The following PPP6R2 variants were observed in gnomAD, a reference collection of about 807,000 sequenced individuals.
PPP6R2 encodes the protein protein phosphatase 6 regulatory subunit 2.
Under a neutral mutation model 100.2 loss-of-function variants are expected in PPP6R2, and 62 were observed. The observed-to-expected ratio is 0.62, with a 90% CI of 0.50 to 0.76. PPP6R2 has a LOEUF of 0.76. Among genes scored for constraint, PPP6R2 ranks in the 30% least tolerant of loss-of-function variants. The pLI, the probability that PPP6R2 is intolerant of heterozygous loss-of-function variation, is 0.00. For missense variants in PPP6R2, 1,142 were observed against 1,276.3 expected (o/e 0.89, Z 1.60); for synonymous variants, 525 against 514.7 (o/e 1.02, Z -0.27).
At chr22:50,378,945 T>G (rs140625444) in intron 2 of PPP6R2, among the ~76,000 whole-genome samples, 1 of 151,332 alleles carries the variant, frequency 6.6e-6, no homozygotes, top group Non-Finnish European at 1.5e-5. Context: ...TCCACTCTCA[T>G]GAATGGGATT....
At chr22:50,437,724 G>A in intron 16 of PPP6R2, 119 bp from the exon 17 acceptor site, 2 of 1,391,404 alleles carry the variant, frequency 1.4e-6, no homozygotes, top group Non-Finnish European at 2.0e-6. Flanking sequence ...GAGACAGCAG[G>A]TGTTCCCAGT....
At chr22:50,438,350 C>G (rs2064849054) in intron 18 of PPP6R2, 52 bp downstream of exon 18, 1 of 1,579,632 alleles carries the variant, frequency 6.3e-7, no homozygotes, top group African/African-American at 1.4e-5. Context: ...GTTCAGCCCC[C>G]AGAACACCTG....
At chr22:50,437,129 G>A (rs1303747335) in intron 15 of PPP6R2, 61 bp downstream of exon 15, 9 of 1,451,370 alleles carry the variant, frequency 6.2e-6, no homozygotes, top group South Asian at 3.7e-5. Flanking sequence ...TGTGCGCTGC[G>A]CTTGGTCCTC....
chr22:50,428,502 A>G (rs1390892129), intron 10 of PPP6R2, among the ~76,000 whole-genome samples: 2 of 152,086 alleles, frequency 1.3e-5, no homozygotes, highest in Admixed American at 6.6e-5. Context: ...CTTGAACCCA[A>G]GAGTTTAAGA....
intron 10 of PPP6R2, among the ~76,000 whole-genome samples, chr22:50,425,400 G>A (rs1415546772): frequency 6.6e-6 from 1 of 152,202 alleles, no homozygotes; most frequent in Non-Finnish European, 1.5e-5. Context: ...CCATCCATCA[G>A]TGGAGACTTG....
chr22:50,348,306 G>C (rs924015141), intron 1 of PPP6R2, among the ~76,000 whole-genome samples: 1 of 152,178 alleles, frequency 6.6e-6, no homozygotes, highest in Non-Finnish European at 1.5e-5. Flanking sequence ...GCAGGTGGGG[G>C]TGAGATGAAG....
chr22:50,398,152 G>A (rs1390776060), intron 3 of PPP6R2, among the ~76,000 whole-genome samples: 1 of 151,304 alleles, frequency 6.6e-6, no homozygotes, highest in Non-Finnish European at 1.5e-5. Context: ...GGGCAATATA[G>A]CGAGACTCCA....
intron 3 of PPP6R2, among the ~76,000 whole-genome samples, chr22:50,394,481 T>C (rs1203971594): frequency 6.6e-6 from 1 of 151,418 alleles, no homozygotes; most frequent in African/African-American, 2.4e-5. Flanking sequence ...GACCTCTGGT[T>C]CCAGCTACTC....
chr22:50,335,447 G>A, the PPP6R2 span, among the ~76,000 whole-genome samples: 6 of 151,616 alleles, frequency 4.0e-5, no homozygotes, highest in South Asian at 6.2e-4. Context: ...TGCCCGCCTC[G>A]GCCTCCCAAA....
intron 1 of PPP6R2, among the ~76,000 whole-genome samples, chr22:50,356,044 G>C (rs1212972128): frequency 1.3e-5 from 2 of 149,862 alleles, no homozygotes; most frequent in Admixed American, 1.3e-4. Context: ...CTCACTGCAA[G>C]CTCCGCCTCC....
At chr22:50,407,189 G>A (rs1287610050) in intron 4 of PPP6R2, among the ~76,000 whole-genome samples, 1 of 152,054 alleles carries the variant, frequency 6.6e-6, no homozygotes, top group Admixed American at 6.6e-5. Flanking sequence ...TCTACTAAAA[G>A]TACAAAAATT....
the PPP6R2 span, among the ~76,000 whole-genome samples, chr22:50,336,234 C>T: frequency 6.6e-6 from 1 of 152,074 alleles, no homozygotes; most frequent in Non-Finnish European, 1.5e-5. Context: ...ATGATCCACC[C>T]ACCTCGGCTT....
At chr22:50,425,943 T>C (rs1019119005) in intron 10 of PPP6R2, among the ~76,000 whole-genome samples, 3 of 151,854 alleles carry the variant, frequency 2.0e-5, no homozygotes, top group African/African-American at 7.3e-5. Context: ...TTATCAGATA[T>C]ATGCAAATAT....
intron 6 of PPP6R2, among the ~76,000 whole-genome samples, chr22:50,417,253 C>T (rs1360892316): frequency 6.6e-6 from 1 of 152,114 alleles, no homozygotes; most frequent in Non-Finnish European, 1.5e-5. Flanking sequence ...ACCACATGGG[C>T]GTCTCCACAG....
upstream of PPP6R2, among the ~76,000 whole-genome samples, chr22:50,342,084 G>A (rs1305533900): frequency 6.6e-6 from 1 of 151,910 alleles, no homozygotes; most frequent in Non-Finnish European, 1.5e-5. Flanking sequence ...AGAGTTGCAC[G>A]TGCTCACGGC....
At chr22:50,442,610 C>T (rs570548676) in intron 22 of PPP6R2, among the ~76,000 whole-genome samples, 70 of 152,188 alleles carry the variant, frequency 4.6e-4, no homozygotes, top group Non-Finnish European at 7.2e-4. Flanking sequence ...AGTGCAGTGG[C>T]GCAATCTTGG....
rs577417540 is a variant in PPP6R2, at chr22:50,440,729, G to A, written c.2375-93G>A. On this transcript the variant is annotated intron_variant, in intron 21 of 23. Coordinates refer to ENST00000612753, the MANE Select transcript of PPP6R2 (RefSeq NM_001242898.2). ...TGTGCAGGCAACAGGCTGCATGTGA[G>A]AGGGCCACATGTATGGGGACCCTAT... The A allele has an allele frequency of 7.1e-6, 10 of 1,399,392 alleles. No homozygotes were observed. In the African/African-American group the frequency reaches 1.4e-4, roughly 20 times the overall value. 86.7% of individuals were successfully genotyped at this position (1,399,392 alleles called of 1,614,324 possible).
intron 1 of PPP6R2, among the ~76,000 whole-genome samples, chr22:50,356,485 T>A (rs759683887): frequency 3.9e-5 from 6 of 152,016 alleles, no homozygotes; most frequent in Admixed American, 6.6e-5. Context: ...TTTTGTATTT[T>A]TAGTAGAGAC....
At chr22:50,421,698 G>T (rs1253378805) in intron 8 of PPP6R2, among the ~76,000 whole-genome samples, 2 of 152,020 alleles carry the variant, frequency 1.3e-5, no homozygotes, top group Admixed American at 6.6e-5. Context: ...ATCACCTGAG[G>T]TCAGGTGATC....
Sources: gnomAD v4.1 joint callset for allele counts (sites outside exome capture counted in the v4.1 genomes callset) on GRCh38, gnomAD v4.1.1 for gene constraint, MANE v1.5 for transcripts, NCBI Gene and HGNC (gene_info 2026-07-23, HGNC 2026-07-21) for gene names.